Variants in IDO2 observed in about 807,000 individuals in gnomAD.
IDO2 encodes indoleamine 2,3-dioxygenase-like 1 protein.
Under a neutral mutation model 45.1 loss-of-function variants are expected in IDO2, and 46 were observed. That is an observed-to-expected ratio of 1.02 (90% confidence interval 0.80 to 1.30). The LOEUF is 1.30. IDO2 is among the 50% of genes most tolerant of loss of function. The pLI is 0.00. For synonymous variants in IDO2, 218 were observed against 184.9 expected (o/e 1.18, Z -1.45); for missense variants, 544 against 491.8 (o/e 1.11, Z -1.00).
chr8:40,015,454 C>T (rs781690088), exon 11 of IDO2: 2 of 1,613,858 alleles, frequency 1.2e-6, no homozygotes, highest in Middle Eastern at 1.6e-4. Context: ...ATCACAGCTG[C>T]AGCCAAGGCA....
intron 1 of IDO2, among the ~76,000 whole-genome samples, chr8:39,947,573 GT>G (rs747884589): frequency 2.6e-5 from 4 of 152,028 alleles, no homozygotes; most frequent in South Asian, 4.1e-4. Flanking sequence ...AAAGTTCTAA[GT>G]TGCTAGCCAA....
At chr8:39,961,029 T>C (rs1001724209) in intron 2 of IDO2, among the ~76,000 whole-genome samples, 1 of 152,212 alleles carries the variant, frequency 6.6e-6, no homozygotes, top group South Asian at 2.1e-4. Flanking sequence ...GTGATCTGCC[T>C]GCATTGGCCT....
chr8:39,940,811 C>T (rs1005481741), intron 1 of IDO2, among the ~76,000 whole-genome samples: 1 of 151,230 alleles, frequency 6.6e-6, no homozygotes, highest in African/African-American at 2.4e-5. Flanking sequence ...ATCACTGTTT[C>T]GGTGATGGAG....
At chr8:39,949,479 T>A (rs1421007772) in intron 2 of IDO2, among the ~76,000 whole-genome samples, 2 of 152,126 alleles carry the variant, frequency 1.3e-5, no homozygotes, top group African/African-American at 2.4e-5. Flanking sequence ...ATTTTTTGTT[T>A]CAGTTTCTTT....
intron 2 of IDO2, among the ~76,000 whole-genome samples, chr8:39,962,687 G>T (rs1208311666): frequency 6.6e-6 from 1 of 152,100 alleles, no homozygotes; most frequent in African/African-American, 2.4e-5. Context: ...CCTCACAATG[G>T]AGCACCAGGA....
chr8:40,005,947 T>C (rs1022066464), intron 9 of IDO2, among the ~76,000 whole-genome samples: 1 of 152,172 alleles, frequency 6.6e-6, no homozygotes, highest in African/African-American at 2.4e-5. Context: ...ATAAAGGGGC[T>C]GGAGGGAGTT....
At chr8:40,003,368 CAAAAAA>C (rs1172335332) in intron 8 of IDO2, among the ~76,000 whole-genome samples, 1,752 of 118,382 alleles carry the variant, frequency 0.015, 38 homozygotes, top group African/African-American at 0.05. Flanking sequence ...GACTCCATCT[CAAAAAA>C]AAAAAAAAAA....
At chr8:39,993,428 T>C (rs1277867195) in intron 8 of IDO2, among the ~76,000 whole-genome samples, 1 of 152,214 alleles carries the variant, frequency 6.6e-6, no homozygotes, top group African/African-American at 2.4e-5. Flanking sequence ...ATTTTTTCTT[T>C]TAGCAGTAAT....
intron 4 of IDO2, among the ~76,000 whole-genome samples, chr8:39,981,660 C>A (rs1181575122): frequency 6.6e-6 from 1 of 152,096 alleles, no homozygotes; most frequent in Non-Finnish European, 1.5e-5. Flanking sequence ...GAAAGTTTAC[C>A]CGAGGTTCAC....
chr8:40,003,416 T>C (rs1306294532), intron 8 of IDO2, among the ~76,000 whole-genome samples: 1 of 151,084 alleles, frequency 6.6e-6, no homozygotes, highest in African/African-American at 2.4e-5. Context: ...ATCCTTTCAT[T>C]TACTAGTTTT....
At chr8:39,992,994 G>T (rs1421554267) in intron 8 of IDO2, among the ~76,000 whole-genome samples, 6 of 152,004 alleles carry the variant, frequency 3.9e-5, no homozygotes, top group Non-Finnish European at 7.3e-5. Flanking sequence ...GACAGAACCA[G>T]CCCGGTCTAT....
chr8:39,970,437 G>T (rs567604061), intron 3 of IDO2, among the ~76,000 whole-genome samples: 3 of 152,172 alleles, frequency 2.0e-5, no homozygotes, highest in African/African-American at 7.2e-5. Flanking sequence ...TGTCCCCCAG[G>T]CTGGAGTGTG....
At chr8:39,977,434 G>A (rs1407046774) in intron 3 of IDO2, among the ~76,000 whole-genome samples, 1 of 152,224 alleles carries the variant, frequency 6.6e-6, no homozygotes, top group African/African-American at 2.4e-5. Context: ...AGCACTTTGG[G>A]AGGCCAAGGC....
chr8:40,003,855 C>T (rs1444490894), intron 8 of IDO2, among the ~76,000 whole-genome samples: 2 of 152,134 alleles, frequency 1.3e-5, no homozygotes, highest in African/African-American at 4.8e-5. Context: ...GTATAATATG[C>T]ACCATAGGCT....
rs546370082 is a variant in IDO2 at position 40,009,076 on chromosome 8, G to A, written c.719+3698G>A. ...GTCGCCCAGGCTGGAGCGCAATGGC[G>A]CAATCTTGGCTCACTGCAACCTCTG... On this transcript the variant is annotated intron_variant, in intron 9 of 10. Coordinates refer to ENST00000502986, the Ensembl canonical transcript of IDO2. Among the ~76,000 whole-genome samples the A allele has an allele frequency of 1.5e-3, 221 of 152,134 alleles. 1 individual carries two copies. The highest frequency in any genetic ancestry group is 3.6e-3 in the African/African-American group (148 of 41,546).
chr8:40,003,433 A>G (rs1802171313), intron 8 of IDO2, among the ~76,000 whole-genome samples: 3 of 149,572 alleles, frequency 2.0e-5, no homozygotes, highest in Non-Finnish European at 3.0e-5. Flanking sequence ...TTTTTCTTCA[A>G]TTTCTTTCAA....
chr8:39,998,655 T>G (rs2129595108), intron 8 of IDO2, among the ~76,000 whole-genome samples: 1 of 148,380 alleles, frequency 6.7e-6, no homozygotes, highest in South Asian at 2.2e-4. Flanking sequence ...TTTTTTTTTT[T>G]TTTTTGACAG....
chr8:39,937,791 G>A (rs146232179), intron 1 of IDO2, among the ~76,000 whole-genome samples: 2,132 of 152,224 alleles, frequency 0.014, 64 homozygotes, highest in African/African-American at 0.049. Context: ...AAAGTGTTGG[G>A]ATTACAGGTG....
In IDO2 at chr8:39,979,052, G is replaced by A; in HGVS notation, c.196-15G>A. The A allele has an allele frequency of 6.4e-7, 1 of 1,566,938 alleles. No homozygotes were observed. Among genetic ancestry groups the A allele is most frequent in the African/African-American group, 1.4e-5 (1 of 73,932 alleles). On this transcript the variant is annotated splice_polypyrimidine_tract_variant and intron_variant, in intron 3 of 10. Coordinates refer to ENST00000502986, the Ensembl canonical transcript of IDO2. Reference sequence around the variant, plus strand: ...CCCATCCCTCCTCTGACGGCATTTGGACTTTCATGAACAGATGCCCCTGCT... The same window carrying A: ...CCCATCCCTCCTCTGACGGCATTTGAACTTTCATGAACAGATGCCCCTGCT...
Sources: allele counts gnomAD v4.1 joint callset (sites outside exome capture counted in the v4.1 genomes callset), GRCh38; gene constraint gnomAD v4.1.1; transcripts MANE v1.5; gene names NCBI Gene and HGNC (gene_info 2026-07-23, HGNC 2026-07-21).